PRKCB: variants seen among roughly 807,000 people sequenced by gnomAD.
PRKCB encodes the protein protein kinase C beta type.
PRKCB carries 13 observed loss-of-function variants against 81.5 expected under a neutral mutation model. That is an observed-to-expected ratio of 0.16 (90% CI 0.10 to 0.25). PRKCB has a LOEUF of 0.25. PRKCB is among the 10% of genes least tolerant of loss of function. The probability of loss-of-function intolerance (pLI) is 1.00; values close to 1 mark genes in which losing one functional copy is unlikely to be tolerated. For missense variants in PRKCB, 509 were observed against 875.7 expected (o/e 0.58, Z 5.29); for synonymous variants, 335 against 321.4 (o/e 1.04, Z -0.45).
chr16:24,113,424 T>C (rs1310505189), intron 8 of PRKCB, among the ~76,000 whole-genome samples: 1 of 150,516 alleles, frequency 6.6e-6, no homozygotes, highest in African/African-American at 2.5e-5. Flanking sequence ...TCATTCTTTC[T>C]TTTCTTTCTC....
intron 10 of PRKCB, among the ~76,000 whole-genome samples, chr16:24,169,216 C>G (rs1449995949): frequency 6.6e-6 from 1 of 152,120 alleles, no homozygotes; most frequent in Non-Finnish European, 1.5e-5. Flanking sequence ...GCTTTGGAGA[C>G]CCAGTAACTC....
chr16:24,206,525 C>G (rs1968048359), intron 16 of PRKCB, among the ~76,000 whole-genome samples: 1 of 152,166 alleles, frequency 6.6e-6, no homozygotes, highest in Non-Finnish European at 1.5e-5. Context: ...CAGGGAGGAG[C>G]CTTATCCTCT....
rs71154286 is a variant in PRKCB, at chr16:24,181,771, C to CAA, written c.1533+862_1533+863dup. Among the ~76,000 whole-genome samples the CAA allele has an allele frequency of 2.2e-3, 54 of 24,570 alleles. 5 individuals carry two copies. The highest frequency in any genetic ancestry group is 9.6e-3 in the African/African-American group (50 of 5,220). 16.1% of individuals were successfully genotyped at this position (24,570 alleles called of 152,430 possible). ...TGGGTGACACAGTAAGACCCTGTCTCAAAAAAAAAAAAAAAAAAAAGAAGA... is the reference window on the plus strand; with the variant it reads ...TGGGTGACACAGTAAGACCCTGTCTCAAAAAAAAAAAAAAAAAAAAAAGAAGA... On this transcript the variant is annotated intron_variant, in intron 13 of 16. Transcript: ENST00000643927.
intron 2 of PRKCB, among the ~76,000 whole-genome samples, chr16:23,861,876 C>G (rs1203532734): frequency 6.6e-6 from 1 of 152,196 alleles, no homozygotes; most frequent in African/African-American, 2.4e-5. Flanking sequence ...TGATATAGCT[C>G]TATCTCTTGA....
At chr16:24,096,024 G>A (rs377760957) in intron 7 of PRKCB, among the ~76,000 whole-genome samples, 4 of 152,122 alleles carry the variant, frequency 2.6e-5, no homozygotes, top group South Asian at 2.1e-4. Context: ...TAGGCCGGGC[G>A]CAGTGGCTCA....
intron 5 of PRKCB, among the ~76,000 whole-genome samples, chr16:24,075,341 G>A (rs1286722970): frequency 6.6e-6 from 1 of 152,168 alleles, no homozygotes; most frequent in Non-Finnish European, 1.5e-5. Context: ...CTAAGCCACT[G>A]AGTTGCAGCA....
At chr16:24,209,255 A>T (rs1392138211) in intron 16 of PRKCB, among the ~76,000 whole-genome samples, 1 of 152,122 alleles carries the variant, frequency 6.6e-6, no homozygotes, top group African/African-American at 2.4e-5. Flanking sequence ...TCACACCAGG[A>T]TGCCATACCA....
chr16:24,177,901 C>G (rs943175123), intron 12 of PRKCB, among the ~76,000 whole-genome samples: 2 of 152,036 alleles, frequency 1.3e-5, no homozygotes, highest in African/African-American at 4.8e-5. Context: ...TAAAAATCAT[C>G]ATAGTTGGTT....
chr16:24,122,985 A>C (rs1966819766), intron 8 of PRKCB, among the ~76,000 whole-genome samples: 1 of 152,236 alleles, frequency 6.6e-6, no homozygotes, highest in South Asian at 2.1e-4. Flanking sequence ...ACAAATATTT[A>C]GTTGGGAACT....
intron 5 of PRKCB, among the ~76,000 whole-genome samples, chr16:24,081,984 T>C (rs973432449): frequency 6.6e-6 from 1 of 152,174 alleles, no homozygotes; most frequent in African/African-American, 2.4e-5. Flanking sequence ...TCCACAGGAA[T>C]CTACCAAGAA....
chr16:24,181,371 A>G (rs1287867949), intron 13 of PRKCB, among the ~76,000 whole-genome samples: 1 of 152,222 alleles, frequency 6.6e-6, no homozygotes, highest in Non-Finnish European at 1.5e-5. Context: ...TTATAGCATG[A>G]AATACTACCA....
At chr16:24,048,651 A>G (rs1455467773) in intron 5 of PRKCB, among the ~76,000 whole-genome samples, 1 of 151,962 alleles carries the variant, frequency 6.6e-6, no homozygotes, top group Non-Finnish European at 1.5e-5. Flanking sequence ...CACCATGCCC[A>G]GCTAATTTTT....
intron 16 of PRKCB, among the ~76,000 whole-genome samples, chr16:24,207,248 A>G (rs1968059897): frequency 6.6e-6 from 1 of 152,164 alleles, no homozygotes; most frequent in African/African-American, 2.4e-5. Context: ...AATTTACCCA[A>G]ATACTCCCAT....
At position 23,984,188 on chromosome 16, in the gene PRKCB, A is replaced by G. The variant is rs145977577; in HGVS notation, c.206-4320A>G. Among the ~76,000 whole-genome samples, 607 of 152,348 alleles carry G rather than the reference A, an allele frequency of 4.0e-3. 6 individuals carry two copies. The highest frequency in any genetic ancestry group is 0.014 in the African/African-American group (578 of 41,582). On this transcript the variant is annotated intron_variant, in intron 2 of 16. Coordinates refer to ENST00000643927, the MANE Select transcript of PRKCB (RefSeq NM_002738.7). Reference sequence around the variant, plus strand: ...GTCAATTCAAGAAGCTTTAAAAAGAACAGTGGATAATATTAGCTGACATTT... The same window carrying G: ...GTCAATTCAAGAAGCTTTAAAAAGAGCAGTGGATAATATTAGCTGACATTT...
chr16:24,197,745 A>G (rs548506749), intron 16 of PRKCB, among the ~76,000 whole-genome samples: 2 of 152,276 alleles, frequency 1.3e-5, no homozygotes, highest in South Asian at 4.1e-4. Flanking sequence ...CCAAGTTGGC[A>G]TCCTCAGGTC....
At chr16:23,956,925 T>C (rs1016042691) in intron 2 of PRKCB, among the ~76,000 whole-genome samples, 4 of 143,528 alleles carry the variant, frequency 2.8e-5, no homozygotes, top group African/African-American at 7.9e-5. Flanking sequence ...GGATGCTGAG[T>C]TTGATTCCTA....
chr16:23,960,448 A>G (rs1596488125), intron 2 of PRKCB, among the ~76,000 whole-genome samples: 1 of 150,520 alleles, frequency 6.6e-6, no homozygotes, highest in African/African-American at 2.4e-5. Flanking sequence ...AAGTCGTTTC[A>G]TGTCTGTGTC....
At chr16:24,029,317 T>A (rs530640230) in intron 3 of PRKCB, among the ~76,000 whole-genome samples, 1 of 152,192 alleles carries the variant, frequency 6.6e-6, no homozygotes, top group African/African-American at 2.4e-5. Context: ...GTGGAGGCAA[T>A]TGAATCTTGG....
At chr16:24,088,261 C>A (rs1049408583) in intron 5 of PRKCB, among the ~76,000 whole-genome samples, 12 of 152,098 alleles carry the variant, frequency 7.9e-5, no homozygotes, top group African/African-American at 2.9e-4. Context: ...GATGTGAATG[C>A]CAGCAGTCTC....
Sources: gnomAD v4.1 joint callset for allele counts (sites outside exome capture counted in the v4.1 genomes callset) on GRCh38, gnomAD v4.1.1 for gene constraint, MANE v1.5 for transcripts, NCBI Gene and HGNC (gene_info 2026-07-23, HGNC 2026-07-21) for gene names.